Variants in TOGARAM1 observed in about 807,000 individuals in gnomAD.
TOGARAM1 encodes the protein TOG array regulator of axonemal microtubules protein 1.
TOGARAM1 carries 100 observed loss-of-function variants against 166.6 expected under a neutral mutation model. The observed-to-expected ratio is 0.60, with a 90% CI of 0.51 to 0.71. TOGARAM1 has a LOEUF of 0.71. TOGARAM1 is among the 30% of genes least tolerant of loss of function. The pLI is 0.00. For synonymous variants in TOGARAM1, 758 were observed against 763.8 expected (o/e 0.99, Z 0.13); for missense variants, 2,029 against 2,102.7 (o/e 0.96, Z 0.69).
At chr14:44,994,260 A>G (rs1887301331) in intron 1 of TOGARAM1, among the ~76,000 whole-genome samples, 1 of 152,144 alleles carries the variant, frequency 6.6e-6, no homozygotes. Context: ...CTAGGACTAC[A>G]GGTGTAGGCT....
intron 11 of TOGARAM1, among the ~76,000 whole-genome samples, chr14:45,039,056 C>T (rs903937803): frequency 1.3e-5 from 2 of 151,838 alleles, no homozygotes; most frequent in East Asian, 1.9e-4. Context: ...AGAGGAGACC[C>T]GGAGTGGGTA....
intron 11 of TOGARAM1, among the ~76,000 whole-genome samples, chr14:45,036,661 A>G (rs2138931255): frequency 6.6e-6 from 1 of 152,358 alleles, no homozygotes; most frequent in Non-Finnish European, 1.5e-5. Flanking sequence ...GAGATCAGAT[A>G]TAAGTTAACT....
chr14:45,056,195 G>C (rs1403635803), intron 16 of TOGARAM1, among the ~76,000 whole-genome samples: 1 of 151,980 alleles, frequency 6.6e-6, no homozygotes. Context: ...TTGGTATATA[G>C]AAATGCTATT....
chr14:44,973,207 CTTCT>C (rs1325477165), intron 1 of TOGARAM1, among the ~76,000 whole-genome samples: 2 of 151,726 alleles, frequency 1.3e-5, no homozygotes, highest in Middle Eastern at 3.2e-3. Context: ...TCAGTTTTCT[CTTCT>C]TTCTTAGCAT....
Position 45,073,346 on chromosome 14 carries a change from G to T in TOGARAM1, c.5107G>T (p.Val1703Leu). The T allele has an allele frequency of 6.2e-7, 1 of 1,614,172 alleles. No individual in the cohort carries two copies. Among genetic ancestry groups the T allele is most frequent in the Non-Finnish European group, 8.5e-7 (1 of 1,180,030 alleles). The change falls in exon 20 of 20, where the codon GTG (valine) becomes TTG (leucine). Residue 1703 changes from valine (V) to leucine (L), a missense_variant. By Grantham distance (32) the Val-to-Leu change is conservative. Around this residue, in one of 2 missense-constraint regions of TOGARAM1, gnomAD observed 576 missense variants for 670.5 expected, o/e 0.86. Transcript: ENST00000361462. ...QRKPHATEQK[V>L]LVVLWHLLGN... Reference sequence around the variant, plus strand: ...GAAGCCGCATGCCACAGAGCAGAAAGTGTTGGTTGTTTTATGGCATCTCTT... The same window carrying T: ...GAAGCCGCATGCCACAGAGCAGAAATTGTTGGTTGTTTTATGGCATCTCTT...
intron 1 of TOGARAM1, among the ~76,000 whole-genome samples, chr14:44,969,145 C>CCTTCCTTCCTTCCTTCCTTTCTTTCTTT (rs368091743): frequency 1.7e-5 from 2 of 116,298 alleles, no homozygotes; most frequent in Non-Finnish European, 3.5e-5. Flanking sequence ...TTCCTTCCTT[C>CCTTCCTTCCTTCCTTCCTTTCTTTCTTT]CTTTCTTTCT....
intron 9 of TOGARAM1, 95 bp downstream of exon 9, chr14:45,027,569 T>A (rs1880926701): frequency 1.0e-6 from 1 of 1,003,684 alleles, no homozygotes; most frequent in Non-Finnish European, 1.4e-6. Flanking sequence ...GTATTTCAAT[T>A]AAAATTTAAA....
At chr14:44,969,401 C>G (rs1885760358) in intron 1 of TOGARAM1, among the ~76,000 whole-genome samples, 1 of 152,114 alleles carries the variant, frequency 6.6e-6, no homozygotes, top group Non-Finnish European at 1.5e-5. Context: ...GATTGCCCAC[C>G]TTGGCCTCCT....
At chr14:45,069,968 G>T (rs1286815743) in intron 18 of TOGARAM1, among the ~76,000 whole-genome samples, 1 of 152,122 alleles carries the variant, frequency 6.6e-6, no homozygotes, top group Non-Finnish European at 1.5e-5. Flanking sequence ...AGATCACGAG[G>T]TCAGGAGATC....
chr14:45,044,419 TA>T (rs1881878438), intron 12 of TOGARAM1, among the ~76,000 whole-genome samples: 1 of 152,028 alleles, frequency 6.6e-6, no homozygotes, highest in Non-Finnish European at 1.5e-5. Context: ...TGTGCATCTG[TA>T]ATCCTAGCTA....
At chr14:45,030,283 T>A (rs569222000) in intron 10 of TOGARAM1, among the ~76,000 whole-genome samples, 1 of 152,336 alleles carries the variant, frequency 6.6e-6, no homozygotes, top group African/African-American at 2.4e-5. Context: ...GAAAATTTGG[T>A]GTTTATCTAT....
At chr14:45,071,889 T>G in intron 19 of TOGARAM1, 91 bp downstream of exon 19, 1 of 858,512 alleles carries the variant, frequency 1.2e-6, no homozygotes, top group East Asian at 2.7e-5. Context: ...AGCTACCAAC[T>G]TAATATAGCT....
chr14:45,034,758 A>G (rs900122163), intron 11 of TOGARAM1, among the ~76,000 whole-genome samples: 2 of 152,206 alleles, frequency 1.3e-5, no homozygotes, highest in Non-Finnish European at 2.9e-5. Flanking sequence ...TTTGAAATAC[A>G]TTTTCAAATA....
intron 1 of TOGARAM1, among the ~76,000 whole-genome samples, chr14:44,982,029 G>C (rs183022253): frequency 1.1e-4 from 16 of 152,040 alleles, no homozygotes; most frequent in African/African-American, 3.6e-4. Flanking sequence ...TTTCAGTAGA[G>C]GTGGGGTTTT....
chr14:44,963,565 T>C lies in TOGARAM1; in HGVS notation c.1144T>C (p.Phe382Leu). Residue 382 changes from phenylalanine (F) to leucine (L), a missense_variant, in exon 1 of 20, where the codon TTT becomes CTT. Physicochemically the swap from Phe to Leu is conservative, Grantham distance 22 (BLOSUM62 0). This residue lies in a region of TOGARAM1 where 1,453 missense variants were observed against 1,432.2 expected (regional missense o/e 1.01). Transcript: ENST00000361462. ...VEELKQVLGK[F>L]NPSSTPHSSL... ...AGAACTAAAGCAGGTGCTGGGAAAA[T>C]TTAACCCTAGTTCTACTCCTCATTC... The C allele has an allele frequency of 6.2e-7, 1 of 1,613,810 alleles. No homozygotes were observed. Among genetic ancestry groups the C allele is most frequent in the Non-Finnish European group, 8.5e-7 (1 of 1,179,886 alleles).
intron 16 of TOGARAM1, among the ~76,000 whole-genome samples, chr14:45,062,094 C>T (rs1170366201): frequency 6.6e-6 from 1 of 152,112 alleles, no homozygotes. Context: ...AAAGAATGTA[C>T]ATTCTGCTCT....
intron 11 of TOGARAM1, among the ~76,000 whole-genome samples, chr14:45,040,299 G>A (rs902935554): frequency 5.9e-5 from 9 of 152,156 alleles, no homozygotes; most frequent in Admixed American, 3.3e-4. Context: ...TTTATGGGAT[G>A]TAGCCAAATT....
In TOGARAM1 at chr14:44,962,418, C is replaced by G. The variant is rs1432679953; in HGVS notation, c.-4C>G. ...TTCCAACCACCACCACCTGACAACC[C>G]TGCATGGCGGCTGCCCCCTCCGCGC... is the stretch of plus-strand genomic sequence containing the variant. On this transcript the variant is annotated 5_prime_UTR_variant, in exon 1 of 20. Coordinates refer to ENST00000361462, the MANE Select transcript of TOGARAM1 (RefSeq NM_001308120.2). 9.7e-6 allele frequency: 15 copies of G among 1,551,160 alleles called. No individual in the cohort carries two copies. The highest frequency in any genetic ancestry group is 1.3e-5 in the Non-Finnish European group (15 of 1,151,720).
At position 44,964,456 on chromosome 14, in the gene TOGARAM1, G is replaced by A; in HGVS notation, c.2035G>A (p.Asp679Asn). 1.9e-6 allele frequency: 3 copies of A among 1,568,878 alleles called. No homozygotes were observed. Among genetic ancestry groups the A allele is most frequent in the Non-Finnish European group, 2.6e-6 (3 of 1,158,448 alleles). The change falls in exon 1 of 20, where the codon GAT becomes AAT. Residue 679 changes from aspartate to asparagine, a missense_variant. Asp to Asn is a conservative substitution (Grantham distance 23). This residue lies in a region of TOGARAM1 where 1,453 missense variants were observed against 1,432.2 expected (regional missense o/e 1.01). Transcript: ENST00000361462. The stretch of plus-strand genomic sequence containing the variant: ...AGAAAACCAGACCTCCACTTCCAAG[G>A]ATATAGAGCAGGTATGCTTCTCTAA... ...MGENQTSTSK[D>N]IEQFSTYDFI...
Sources: allele counts gnomAD v4.1 joint callset (sites outside exome capture counted in the v4.1 genomes callset), GRCh38; gene constraint gnomAD v4.1.1; regional missense constraint gnomAD v4.1.1; transcripts MANE v1.5; gene names NCBI Gene and HGNC (gene_info 2026-07-23, HGNC 2026-07-21).